Variants in CALCRL observed in about 807,000 individuals in gnomAD.
CALCRL encodes the protein calcitonin gene-related peptide type 1 receptor.
CALCRL carries 27 observed loss-of-function variants against 60.4 expected under a neutral mutation model. The observed-to-expected ratio is 0.45, with a 90% confidence interval of 0.33 to 0.62. The LOEUF (loss-of-function observed/expected upper bound fraction) is 0.62. CALCRL is among the 20% of genes least tolerant of loss of function. The pLI is 0.03. For synonymous variants in CALCRL, 190 were observed against 182.6 expected (o/e 1.04, Z -0.33); for missense variants, 424 against 540.7 (o/e 0.78, Z 2.14).
intron 1 of CALCRL, among the ~76,000 whole-genome samples, chr2:187,421,014 T>C (rs546319733): frequency 6.6e-6 from 1 of 152,308 alleles, no homozygotes; most frequent in South Asian, 2.1e-4. Context: ...TGGAACTGTA[T>C]GTGCCAGGAA....
At chr2:187,442,149 CATACACACACATAT>C (rs1690949713) in intron 1 of CALCRL, 1 of 146,130 alleles carries the variant, frequency 6.8e-6, no homozygotes, top group Non-Finnish European at 1.5e-5. Flanking sequence ...CACACACATA[CATACACACACATAT>C]ATACGCACAC....
chr2:187,435,857 TGTTTGTGCGTGC>T (rs1293229691), intron 1 of CALCRL, among the ~76,000 whole-genome samples: 15 of 85,592 alleles, frequency 1.8e-4, no homozygotes, highest in Non-Finnish European at 3.0e-4. Flanking sequence ...AAGGTGTGTG[TGTTTGTGCGTGC>T]GTGTGTGTGT....
At chr2:187,364,844 C>G (rs1687208471) in intron 8 of CALCRL, among the ~76,000 whole-genome samples, 1 of 152,096 alleles carries the variant, frequency 6.6e-6, no homozygotes. Flanking sequence ...GGCAAGATGG[C>G]TCTTGGAATG....
rs150052581 is a variant in CALCRL, at chr2:187,359,061, A to G, written c.909+2T>C. On this transcript the variant is annotated splice_donor_variant, in intron 12 of 14. Transcript: ENST00000392370. LOFTEE classifies it high-confidence loss of function. ...ATAAGGAAAGGAGAATTTGTTACAT[A>G]CCAGTAAAGCAGCACAAATTGGGCC... 2 of 1,607,984 alleles carry G rather than the reference A, an allele frequency of 1.2e-6. No homozygotes were observed. The highest frequency in any genetic ancestry group is 1.7e-6 in the Non-Finnish European group (2 of 1,174,486).
intron 8 of CALCRL, among the ~76,000 whole-genome samples, chr2:187,378,484 C>T (rs997843726): frequency 3.3e-5 from 5 of 152,044 alleles, no homozygotes; most frequent in Admixed American, 1.3e-4. Flanking sequence ...ACCCGCCAAA[C>T]GAGGAAAAAC....
At chr2:187,442,115 CACATAT>C (rs1442660410) in intron 1 of CALCRL, 2 of 143,258 alleles carry the variant, frequency 1.4e-5, no homozygotes, top group East Asian at 2.0e-4. Context: ...TACATACACA[CACATAT>C]ACATATACAT....
At chr2:187,409,884 T>A (rs1689283544) in intron 1 of CALCRL, among the ~76,000 whole-genome samples, 3 of 152,018 alleles carry the variant, frequency 2.0e-5, no homozygotes, top group East Asian at 3.9e-4. Flanking sequence ...CATAAGCAAA[T>A]GCCTTCTATG....
intron 14 of CALCRL, among the ~76,000 whole-genome samples, chr2:187,351,464 A>C (rs1686528931): frequency 6.6e-6 from 1 of 151,810 alleles, no homozygotes. Flanking sequence ...CCAAGAGTTT[A>C]ATTTTTAAAA....
In CALCRL at chr2:187,385,596, C is replaced by G; in HGVS notation, c.-1G>C. The G allele has an allele frequency of 6.4e-7, 1 of 1,562,172 alleles. No homozygotes were observed. The highest frequency in any genetic ancestry group is 1.2e-5 in the South Asian group (1 of 86,810). On this transcript the variant is annotated 5_prime_UTR_variant, in exon 4 of 15. It removes an upstream start codon present in the reference 5' UTR. Coordinates refer to ENST00000392370, the MANE Select transcript of CALCRL (RefSeq NM_005795.6). Reference sequence around the variant, plus strand: ...AATACAGGGTACACTTTTTCTCCATCATTAAGCCAAAATGAAATATGCTGT... The same window carrying G: ...AATACAGGGTACACTTTTTCTCCATGATTAAGCCAAAATGAAATATGCTGT...
intron 1 of CALCRL, among the ~76,000 whole-genome samples, chr2:187,430,456 G>T (rs974141875): frequency 6.6e-6 from 1 of 152,112 alleles, no homozygotes; most frequent in Admixed American, 6.5e-5. Context: ...CTAAAAACAA[G>T]TTAATGCAGG....
At chr2:187,441,031 T>C (rs1355106186) in intron 1 of CALCRL, among the ~76,000 whole-genome samples, 2 of 152,094 alleles carry the variant, frequency 1.3e-5, no homozygotes, top group Non-Finnish European at 1.5e-5. Flanking sequence ...CAAAGCTTTA[T>C]TCTTAGGAAT....
At chr2:187,402,615 C>T (rs1332856762) in intron 1 of CALCRL, among the ~76,000 whole-genome samples, 1 of 151,638 alleles carries the variant, frequency 6.6e-6, no homozygotes, top group Admixed American at 6.6e-5. Flanking sequence ...ATTTAATGCT[C>T]TAGGATAGAT....
chr2:187,437,207 T>G (rs1690680584), intron 1 of CALCRL, among the ~76,000 whole-genome samples: 1 of 152,196 alleles, frequency 6.6e-6, no homozygotes, highest in Non-Finnish European at 1.5e-5. Context: ...ATGTGCAACA[T>G]TTTAAAATGT....
chr2:187,418,841 G>GTT, intron 1 of CALCRL, among the ~76,000 whole-genome samples: 1 of 137,554 alleles, frequency 7.3e-6, no homozygotes, highest in African/African-American at 2.7e-5. Context: ...AGAAACTTGT[G>GTT]TTTTTTTTTC....
intron 1 of CALCRL, among the ~76,000 whole-genome samples, chr2:187,423,128 A>G (rs1689956526): frequency 6.6e-6 from 1 of 152,058 alleles, no homozygotes; most frequent in Non-Finnish European, 1.5e-5. Flanking sequence ...ACCTTCAAAG[A>G]TATGTCTGAA....
At chr2:187,356,037 C>T (rs1686764938) in intron 12 of CALCRL, among the ~76,000 whole-genome samples, 2 of 151,906 alleles carry the variant, frequency 1.3e-5, no homozygotes, top group Non-Finnish European at 2.9e-5. Flanking sequence ...CATGCTCATA[C>T]ATAGAAGAAT....
intron 1 of CALCRL, among the ~76,000 whole-genome samples, chr2:187,405,401 C>T (rs1233887523): frequency 6.6e-6 from 1 of 151,864 alleles, no homozygotes; most frequent in Non-Finnish European, 1.5e-5. Context: ...TGTTTTCTCA[C>T]CAATACTAAT....
intron 5 of CALCRL, among the ~76,000 whole-genome samples, chr2:187,381,366 TTC>T (rs1483111601): frequency 6.6e-6 from 1 of 152,170 alleles, no homozygotes; most frequent in African/African-American, 2.4e-5. Context: ...AATAAAGAAC[TTC>T]TTACATTAAA....
At chr2:187,415,553 C>A (rs1559069494) in intron 1 of CALCRL, 1 of 465,130 alleles carries the variant, frequency 2.1e-6, no homozygotes, top group South Asian at 2.8e-5. Context: ...GGAAACTCTG[C>A]CAATGTGTCA....
Sources: gnomAD v4.1 joint callset for allele counts (sites outside exome capture counted in the v4.1 genomes callset) on GRCh38, gnomAD v4.1.1 for gene constraint, MANE v1.5 for transcripts, NCBI Gene and HGNC (gene_info 2026-07-23, HGNC 2026-07-21) for gene names.